The following C11orf65 variants were observed in gnomAD, a reference collection of about 807,000 sequenced individuals.
C11orf65 encodes chromosome 11 open reading frame 65.
Under a neutral mutation model 35.3 loss-of-function variants are expected in C11orf65, and 38 were observed. That is an observed-to-expected ratio of 1.08 (90% confidence interval 0.83 to 1.41). The LOEUF is 1.41. Among genes scored for constraint, C11orf65 ranks in the 40% most tolerant of loss-of-function variants. The pLI is 0.00. For missense variants in C11orf65, 370 were observed against 367.1 expected (o/e 1.01, Z -0.06); for synonymous variants, 105 against 114.4 (o/e 0.92, Z 0.53).
In C11orf65 at chr11:108,454,652, G is replaced by A. The variant is rs192509235; in HGVS notation, c.81+6827C>T. 9.2e-5 allele frequency among the ~76,000 whole-genome samples: 14 copies of A among 152,044 alleles called. No homozygotes were observed. In the East Asian group the frequency reaches 2.7e-3, roughly 29 times the overall value. On this transcript the variant is annotated intron_variant, in intron 2 of 8. Coordinates refer to ENST00000393084, the MANE Select transcript of C11orf65 (RefSeq NM_152587.5). ...TTATTTATTTACTTTTAGAGATGTA[G>A]TCTCACTATGCTGCCAAGGCTGGAC...
intron 2 of C11orf65, among the ~76,000 whole-genome samples, chr11:108,374,703 A>C (rs889179116): frequency 6.6e-6 from 1 of 152,192 alleles, no homozygotes; most frequent in African/African-American, 2.4e-5. Flanking sequence ...TACAGGAGGA[A>C]ATTCAAACCA....
intron 2 of C11orf65, among the ~76,000 whole-genome samples, chr11:108,342,891 C>CAGTT (rs1247860291): frequency 6.6e-6 from 1 of 152,116 alleles, no homozygotes; most frequent in African/African-American, 2.4e-5. Flanking sequence ...TTAAGGAAAG[C>CAGTT]AGTTAATTCC....
At chr11:108,411,964 C>T (rs976818479) in intron 3 of C11orf65, among the ~76,000 whole-genome samples, 1 of 151,830 alleles carries the variant, frequency 6.6e-6, no homozygotes, top group East Asian at 1.9e-4. Flanking sequence ...TTAGTAGAGA[C>T]GGGGTTTCAC....
chr11:108,438,049 A>T (rs1230502895), intron 2 of C11orf65, among the ~76,000 whole-genome samples: 2 of 152,202 alleles, frequency 1.3e-5, no homozygotes, highest in Non-Finnish European at 2.9e-5. Flanking sequence ...TGGCCTAAGG[A>T]CAGATATATA....
chr11:108,332,181 ACTTTGGGAGG>A, intron 3 of C11orf65: 1 of 1,060,240 alleles, frequency 9.4e-7, no homozygotes, highest in Non-Finnish European at 1.4e-6. Flanking sequence ...TAATCCCAGC[ACTTTGGGAGG>A]CTGAGGCGGG....
At chr11:108,325,249 G>GTTTTTTTTTTTTTTTTTTTTTTTTT (rs11366542) in intron 6 of C11orf65, 1 of 537,680 alleles carries the variant, frequency 1.9e-6, no homozygotes, top group Non-Finnish European at 3.1e-6. Context: ...AACTTACATA[G>GTTTTTTTTTTTTTTTTTTTTTTTTT]TTTTTTTTTT....
At chr11:108,448,494 A>G (rs1274234252) in intron 2 of C11orf65, among the ~76,000 whole-genome samples, 1 of 152,192 alleles carries the variant, frequency 6.6e-6, no homozygotes, top group African/African-American at 2.4e-5. Flanking sequence ...GCAAATGAAT[A>G]AATGTAATCC....
intron 2 of C11orf65, among the ~76,000 whole-genome samples, chr11:108,358,044 T>C (rs1363560327): frequency 6.9e-6 from 1 of 144,264 alleles, no homozygotes; most frequent in Non-Finnish European, 1.5e-5. Flanking sequence ...TTGACAACTT[T>C]GAAAAAAATT....
intron 3 of C11orf65, among the ~76,000 whole-genome samples, chr11:108,413,160 C>A (rs916351535): frequency 6.6e-6 from 1 of 152,190 alleles, no homozygotes; most frequent in Admixed American, 6.5e-5. Flanking sequence ...AGACAGACCA[C>A]GTTCTGGGCC....
chr11:108,451,966 A>C (rs1171988620), intron 2 of C11orf65, among the ~76,000 whole-genome samples: 1 of 152,230 alleles, frequency 6.6e-6, no homozygotes, highest in East Asian at 1.9e-4. Flanking sequence ...TAGAAAGCTG[A>C]AACTGGATCC....
chr11:108,329,413 G>GTTT, downstream of C11orf65: 1 of 559,116 alleles, frequency 1.8e-6, no homozygotes, highest in Non-Finnish European at 3.1e-6. Flanking sequence ...TTTGTTTTTT[G>GTTT]TTTTTTTTTT....
intron 1 of C11orf65, 145 bp from the exon 2 acceptor site, chr11:108,461,713 A>G: frequency 2.5e-5 from 14 of 552,854 alleles, no homozygotes; most frequent in Non-Finnish European, 3.8e-5. Context: ...CTGTAGCCTC[A>G]AACTGCTGGG....
intron 2 of C11orf65, among the ~76,000 whole-genome samples, chr11:108,357,548 T>G (rs11212593): frequency 0.013 from 1,967 of 152,324 alleles, 31 homozygotes; most frequent in African/African-American, 0.031. Flanking sequence ...TGTCCCTGTC[T>G]GACAGCTTTG....
At chr11:108,378,118 T>C (rs1287966421), downstream of C11orf65, among the ~76,000 whole-genome samples, 1 of 152,074 alleles carries the variant, frequency 6.6e-6, no homozygotes, top group Admixed American at 6.6e-5. Context: ...CTTCACAGAA[T>C]TGGAAAAAAC....
At chr11:108,431,317 A>G (rs1053196392) in intron 3 of C11orf65, among the ~76,000 whole-genome samples, 1 of 152,244 alleles carries the variant, frequency 6.6e-6, no homozygotes, top group Non-Finnish European at 1.5e-5. Context: ...ATAAAAGAGA[A>G]TAATGGCTAT....
chr11:108,402,438 T>G (rs1242204472), intron 6 of C11orf65, among the ~76,000 whole-genome samples: 1 of 152,186 alleles, frequency 6.6e-6, no homozygotes, highest in Non-Finnish European at 1.5e-5. Context: ...CTGTAGGCAT[T>G]GTAACCCTGT....
Position 108,383,108 on chromosome 11 carries a change from C to T in C11orf65, c.855G>A (p.Met285Ile). The change falls in exon 9 of 9, where the codon ATG (methionine) becomes ATA (isoleucine). Residue 285 changes from methionine to isoleucine, a missense_variant. Met to Ile is a conservative substitution (Grantham distance 10). Coordinates refer to ENST00000393084, the MANE Select transcript of C11orf65 (RefSeq NM_152587.5). The stretch of plus-strand genomic sequence containing the variant: ...CATAGTAAGTATCATCTGGTATTCC[C>T]ATTTGCATCTTTGATATGTCTCCTC... Reference protein sequence around the residue: ...NYGGDISKMQMGIPDDTYYEN... With the variant: ...NYGGDISKMQIGIPDDTYYEN... 1 of 1,612,046 alleles carries T rather than the reference C, an allele frequency of 6.2e-7. No homozygotes were observed. Among genetic ancestry groups the T allele is most frequent in the Non-Finnish European group, 8.5e-7 (1 of 1,179,088 alleles).
intron 2 of C11orf65, among the ~76,000 whole-genome samples, chr11:108,370,545 A>G (rs1437280362): frequency 6.7e-6 from 1 of 148,160 alleles, no homozygotes; most frequent in Non-Finnish European, 1.5e-5. Flanking sequence ...GGGACATTCT[A>G]GTCCTGTGCC....
chr11:108,377,806 C>G (rs957050899), downstream of C11orf65, among the ~76,000 whole-genome samples: 2 of 151,864 alleles, frequency 1.3e-5, no homozygotes, highest in African/African-American at 4.8e-5. Flanking sequence ...AATCAATGTA[C>G]AAAAATCAGA....
Sources: allele counts gnomAD v4.1 joint callset (sites outside exome capture counted in the v4.1 genomes callset), GRCh38; gene constraint gnomAD v4.1.1; transcripts MANE v1.5; gene names NCBI Gene and HGNC (gene_info 2026-07-23, HGNC 2026-07-21).